Variants in KEL observed in about 807,000 individuals in gnomAD.
KEL encodes the protein kell blood group glycoprotein.
Under a neutral mutation model 99.5 loss-of-function variants are expected in KEL, and 96 were observed. The ratio of observed to expected loss-of-function variants is 0.97; its 90% CI spans 0.82 to 1.14. The LOEUF (loss-of-function observed/expected upper bound fraction) is 1.14. Among genes scored for constraint, KEL ranks in the 50% most tolerant of loss-of-function variants. The pLI is 0.00. For synonymous variants in KEL, 355 were observed against 354.8 expected (o/e 1.00, Z -0.01); for missense variants, 926 against 924.2 (o/e 1.00, Z -0.03).
At chr7:142,950,979 A>G in intron 10 of KEL, among the ~76,000 whole-genome samples, 1 of 152,214 alleles carries the variant, frequency 6.6e-6, no homozygotes. Flanking sequence ...GTGTTTCTGG[A>G]AGATTTAAAT....
chr7:142,953,518 T>C (rs917656244), intron 9 of KEL: 2 of 501,792 alleles, frequency 4.0e-6, no homozygotes, highest in Non-Finnish European at 5.2e-6. Flanking sequence ...GGCTCTTGAC[T>C]GGCTGGTGTT....
chr7:142,946,279 T>C lies in KEL; in HGVS notation c.1242A>G (p.Thr414=), dbSNP rs766801002. 4 of 1,614,016 alleles carry C rather than the reference T, an allele frequency of 2.5e-6. No individual in the cohort carries two copies. The highest frequency in any genetic ancestry group is 2.7e-5 in the African/African-American group (2 of 74,930). The part of the protein sequence containing the change: ...RPRWMKCVEE[T]GTFFEPTLAA... ...CCAGCGTGGGCTCGAAGAACGTGCC[T>C]GTCTCCTCCACGCACTTCATCCATC... The change falls in exon 11 of 19, where the codon ACA becomes ACG. Residue 414 remains threonine, a synonymous_variant. Coordinates refer to ENST00000355265, the MANE Select transcript of KEL (RefSeq NM_000420.3).
chr7:142,955,672 C>A (rs1796813425), intron 6 of KEL, among the ~76,000 whole-genome samples: 1 of 152,122 alleles, frequency 6.6e-6, no homozygotes, highest in Admixed American at 6.5e-5. Flanking sequence ...TGCTTCTACT[C>A]TTTCCCTTTT....
chr7:142,961,385 G>A lies in KEL; in HGVS notation c.198C>T (p.Phe66=), dbSNP rs569356045. ...GAGGGCCACAGTTCTGGAAGTTGTAGAACAAAAGCACAGAAAAACAAAGGA... is the reference window on the plus strand; with the variant it reads ...GAGGGCCACAGTTCTGGAAGTTGTAAAACAAAAGCACAGAAAAACAAAGGA... ...GLLLCFSVLL[F]YNFQNCGPRP... Residue 66 remains phenylalanine (F), a synonymous_variant, in exon 3 of 19, where the codon TTC becomes TTT. Coordinates refer to ENST00000355265, the MANE Select transcript of KEL (RefSeq NM_000420.3). 66 of 1,613,564 alleles carry A rather than the reference G, an allele frequency of 4.1e-5. No homozygotes were observed. In the South Asian group the frequency reaches 6.5e-4, roughly 16 times the overall value.
chr7:142,951,943 TG>T (rs2116663864), intron 10 of KEL, among the ~76,000 whole-genome samples: 1 of 152,214 alleles, frequency 6.6e-6, no homozygotes, highest in East Asian at 1.9e-4. Flanking sequence ...GGAGCATCTC[TG>T]CATCTTATGT....
In KEL at chr7:142,942,900, A is replaced by C; in HGVS notation, c.1916T>G (p.Val639Gly). 1 of 1,614,170 alleles carries C rather than the reference A, an allele frequency of 6.2e-7. No individual in the cohort carries two copies. Among genetic ancestry groups the C allele is most frequent in the Non-Finnish European group, 8.5e-7 (1 of 1,180,026 alleles). ...CTGCAGCGCGATGGCTAGCCCCCCA[A>C]CGTCTGCAGCATTCTCTAAGAATGT... The part of the protein sequence containing the change: ...SLTFLENAAD[V>G]GGLAIALQAY... The change falls in exon 17 of 19, where the codon GTT becomes GGT. Residue 639 changes from valine (V) to glycine (G), a missense_variant. By Grantham distance (109) the Val-to-Gly change is moderately radical (BLOSUM62 -3). Transcript: ENST00000355265.
chr7:142,946,995 G>A (rs1796550569), intron 10 of KEL, among the ~76,000 whole-genome samples: 1 of 152,188 alleles, frequency 6.6e-6, no homozygotes, highest in Admixed American at 6.5e-5. Context: ...AGAGGCAGGA[G>A]GCCATGGACA....
In KEL at chr7:142,957,818, A is replaced by G. The variant is rs777843435; in HGVS notation, c.672+9T>C. 3 of 1,614,024 alleles carry G rather than the reference A, an allele frequency of 1.9e-6. No individual in the cohort carries two copies. The highest frequency in any genetic ancestry group is 2.5e-6 in the Non-Finnish European group (3 of 1,179,992). ...GGTCCAACTGTGTCTTCGCCAGTGC[A>G]TCCCTCACCTGGATGACTGGTGTGT... On this transcript the variant is annotated intron_variant, in intron 6 of 18. Transcript: ENST00000355265.
Position 142,961,009 on chromosome 7 carries a change from C to G in KEL, c.319G>C (p.Ala107Pro). Reference protein sequence around the residue: ...VAPCTDFFSFACGRAKETNNS... With the variant: ...VAPCTDFFSFPCGRAKETNNS... ...TTGGTCTCTTTGGCCCTTCCACAGG[C>G]AAAGCTGAAGAAGTCGGTGCAGGGG... The change falls in exon 4 of 19, where the codon GCC becomes CCC. Residue 107 changes from alanine (A) to proline (P), a missense_variant. Ala to Pro is a conservative substitution (Grantham distance 27). Coordinates refer to ENST00000355265, the MANE Select transcript of KEL (RefSeq NM_000420.3). The G allele has an allele frequency of 6.2e-7, 1 of 1,614,186 alleles. No homozygotes were observed. Among genetic ancestry groups the G allele is most frequent in the Non-Finnish European group, 8.5e-7 (1 of 1,180,034 alleles).
At position 142,946,409 on chromosome 7, in the gene KEL, G is replaced by C. The variant is rs545787568; in HGVS notation, c.1204-92C>G. 96 of 1,038,852 alleles carry C rather than the reference G, an allele frequency of 9.2e-5. 1 individual carries two copies. In the African/African-American group the frequency reaches 1.4e-3, roughly 15 times the overall value. 64.4% of individuals were successfully genotyped at this position (1,038,852 alleles called of 1,614,324 possible). On this transcript the variant is annotated intron_variant, in intron 10 of 18. Coordinates refer to ENST00000355265, the MANE Select transcript of KEL (RefSeq NM_000420.3). ...TTCACTAGATCTTCATTCCCAGAGG[G>C]TGCTCTTTTGACTGGACTTTCTGGG...
chr7:142,960,903 G>T (rs376749002), intron 4 of KEL, 25 bp downstream of exon 4: 1 of 1,612,002 alleles, frequency 6.2e-7, no homozygotes, highest in African/African-American at 1.3e-5. Context: ...CTTGCACAGA[G>T]CATCTTCCAC....
chr7:142,957,999 G>A (rs759304914), intron 5 of KEL, 26 bp from the exon 6 acceptor site: 1 of 1,610,666 alleles, frequency 6.2e-7, no homozygotes. Context: ...AGGGGGCTGA[G>A]CATAAGGATC....
intron 10 of KEL, among the ~76,000 whole-genome samples, chr7:142,949,135 C>T (rs1183970965): frequency 6.6e-6 from 1 of 152,172 alleles, no homozygotes; most frequent in African/African-American, 2.4e-5. Context: ...TTCAGTGACA[C>T]CAGTTGTCGA....
In KEL at chr7:142,958,379, C is replaced by A. The variant is rs780329776; in HGVS notation, c.450G>T (p.Gln150His). ...HPGSGEEKAF[Q>H]FYNSCMDTLA... is the part of the protein sequence containing the mutation. ...GTGTATCCATGCAGGAGTTGTAGAA[C>A]TGGAAGGCTTTCTCCTCCCCAGAGC... Residue 150 changes from glutamine (Q) to histidine (H), a missense_variant, in exon 5 of 19, where the codon CAG becomes CAT. By Grantham distance (24) the Gln-to-His change is conservative (BLOSUM62 0). Transcript: ENST00000355265. 3.1e-6 allele frequency: 5 copies of A among 1,614,068 alleles called. No homozygotes were observed. Among genetic ancestry groups the A allele is most frequent in the Non-Finnish European group, 3.4e-6 (4 of 1,180,030 alleles).
At chr7:142,955,791 A>T (rs1796817493) in intron 6 of KEL, among the ~76,000 whole-genome samples, 1 of 152,228 alleles carries the variant, frequency 6.6e-6, no homozygotes, top group African/African-American at 2.4e-5. Context: ...CCACAGTTCA[A>T]AGAACAAAAA....
At chr7:142,944,556 G>T (rs1796462882) in intron 12 of KEL, 87 bp downstream of exon 12, 4 of 1,268,152 alleles carry the variant, frequency 3.2e-6, no homozygotes, top group East Asian at 2.3e-5. Flanking sequence ...GGGGGCCTTT[G>T]GCATTTGCTT....
rs973717654 is a variant in KEL, at chr7:142,943,418, C to T, written c.1703+68G>A. 4 of 1,606,786 alleles carry T rather than the reference C, an allele frequency of 2.5e-6. No homozygotes were observed. In the African/African-American group the frequency reaches 4.0e-5, roughly 16 times the overall value. On this transcript the variant is annotated intron_variant, in intron 15 of 18. Transcript: ENST00000355265. ...ACCCCAATTCTCCAACCGTAAGTCC[C>T]ATCCATCATAACACCTGTCGGCCCC...
At chr7:142,957,650 C>T (rs1377058695) in intron 6 of KEL, among the ~76,000 whole-genome samples, 177 bp downstream of exon 6, 1 of 152,178 alleles carries the variant, frequency 6.6e-6, no homozygotes, top group Non-Finnish European at 1.5e-5. Flanking sequence ...TGCTCCATTT[C>T]CCACCCCCAG....
chr7:142,948,989 A>G (rs571372954), intron 10 of KEL, among the ~76,000 whole-genome samples: 2 of 152,228 alleles, frequency 1.3e-5, no homozygotes, highest in African/African-American at 4.8e-5. Context: ...TGATTAATTC[A>G]AAGTTTGCAA....
Sources: gnomAD v4.1 joint callset for allele counts (sites outside exome capture counted in the v4.1 genomes callset) on GRCh38, gnomAD v4.1.1 for gene constraint, MANE v1.5 for transcripts, NCBI Gene and HGNC (gene_info 2026-07-23, HGNC 2026-07-21) for gene names.